PGS1: variants seen among roughly 807,000 people sequenced by gnomAD.
The protein encoded by PGS1 is phosphatidylglycerophosphate synthase 1.
In PGS1, 44 loss-of-function variants were observed where a neutral mutation model predicts 58.3. The ratio of observed to expected loss-of-function variants is 0.75; its 90% CI spans 0.59 to 0.97. The LOEUF is 0.97. Ranked by LOEUF, PGS1 falls within the 50% of genes least tolerant of loss-of-function variation. The pLI is 0.00. For missense variants in PGS1, 684 were observed against 731.1 expected (o/e 0.94, Z 0.74); for synonymous variants, 330 against 311.0 (o/e 1.06, Z -0.64).
At chr17:78,408,232 TC>T (rs2084324448) in intron 7 of PGS1, among the ~76,000 whole-genome samples, 1 of 152,242 alleles carries the variant, frequency 6.6e-6, no homozygotes, top group East Asian at 1.9e-4. Flanking sequence ...ATATGGTTTA[TC>T]TATTTCATTC....
At chr17:78,381,169 G>GGGGC (rs1469274748) in intron 1 of PGS1, among the ~76,000 whole-genome samples, 2 of 152,160 alleles carry the variant, frequency 1.3e-5, no homozygotes, top group African/African-American at 2.4e-5. Context: ...GGTGGTGGGA[G>GGGGC]GGGCAGTGTG....
chr17:78,393,427 G>A (rs767643078), intron 2 of PGS1, among the ~76,000 whole-genome samples: 1 of 152,182 alleles, frequency 6.6e-6, no homozygotes. Context: ...CCACGGGAAG[G>A]GAGGTTGGTG....
At chr17:78,403,289 C>T (rs1463574408) in intron 6 of PGS1, among the ~76,000 whole-genome samples, 1 of 151,566 alleles carries the variant, frequency 6.6e-6, no homozygotes, top group Non-Finnish European at 1.5e-5. Context: ...GTTTGTCTTG[C>T]CTGGTTTTGA....
chr17:78,390,901 G>A (rs2082776480), intron 1 of PGS1, among the ~76,000 whole-genome samples: 1 of 152,108 alleles, frequency 6.6e-6, no homozygotes, highest in Non-Finnish European at 1.5e-5. Flanking sequence ...CCACCAAACA[G>A]GATGTGTCTG....
chr17:78,406,314 T>C (rs538463568), intron 7 of PGS1, among the ~76,000 whole-genome samples: 1 of 151,724 alleles, frequency 6.6e-6, no homozygotes, highest in Non-Finnish European at 1.5e-5. Flanking sequence ...CGAGACTCTG[T>C]CTCAAAAAAA....
intron 1 of PGS1, among the ~76,000 whole-genome samples, chr17:78,380,692 C>T (rs956118919): frequency 6.6e-6 from 1 of 152,182 alleles, no homozygotes; most frequent in Non-Finnish European, 1.5e-5. Context: ...ATTTAGGTGA[C>T]TTTGTCATTT....
chr17:78,422,745 C>A (rs528422920), intron 9 of PGS1, among the ~76,000 whole-genome samples: 1 of 152,084 alleles, frequency 6.6e-6, no homozygotes, highest in East Asian at 1.9e-4. Context: ...AGTAAGATTG[C>A]CGTCCTGGGA....
intron 9 of PGS1, chr17:78,423,606 C>A: frequency 2.7e-6 from 1 of 367,384 alleles, no homozygotes; most frequent in Non-Finnish European, 5.1e-6. Flanking sequence ...TCCTGGAATG[C>A]TTGCCTCTGG....
Position 78,424,183 on chromosome 17 carries a change from TGTGCTGCCAGTAAGTGAGGGAG to T in PGS1, c.*135_*156del. 1 of 1,586,086 alleles carries T rather than the reference TGTGCTGCCAGTAAGTGAGGGAG, an allele frequency of 6.3e-7. No individual in the cohort carries two copies. Among genetic ancestry groups the T allele is most frequent in the Non-Finnish European group, 8.6e-7 (1 of 1,166,434 alleles). On this transcript the variant is annotated 3_prime_UTR_variant, in exon 10 of 10. Transcript: ENST00000262764. ...AGGGACAGTATGGCTGAGGGTCAGG[TGTGCTGCCAGTAAGTGAGGGAG>T]GGGCTGGCAGGAAGGGTGGGGTCCT...
Position 78,419,982 on chromosome 17 carries a change from C to T in PGS1, c.*10+307C>T, listed in dbSNP as rs1039980392. On this transcript the variant is annotated intron_variant, in intron 9 of 9. Transcript: ENST00000262764. ...CCTTCCCAGGGGGTCCTGAAGAAGC[C>T]CTGGGGCAAGGGCTCAGGGATGAGG... The T allele has an allele frequency of 5.1e-6, 6 of 1,173,084 alleles. No individual in the cohort carries two copies. The African/African-American group carries it at 8.0e-5, about 16-fold the overall frequency. 72.7% of individuals were successfully genotyped at this position (1,173,084 alleles called of 1,614,324 possible).
Position 78,392,431 on chromosome 17 carries a change from T to G in PGS1, c.144-45T>G, listed in dbSNP as rs750795078. ...CTGAGGGGGGCTTCTGCAGAAGTAT[T>G]TGAGGTATTTGAGGTGTGACCCAGT... On this transcript the variant is annotated intron_variant, in intron 1 of 9. Coordinates refer to ENST00000262764, the MANE Select transcript of PGS1 (RefSeq NM_024419.5). 2.1e-6 allele frequency: 3 copies of G among 1,416,632 alleles called. No homozygotes were observed. In the East Asian group the frequency reaches 7.1e-5, roughly 33 times the overall value. The allele number at this position is 1,416,632 out of a possible 1,614,324, so 87.8% of individuals were successfully genotyped here.
chr17:78,381,734 G>A lies in PGS1; in HGVS notation c.143+2926G>A, dbSNP rs570571114. On this transcript the variant is annotated intron_variant, in intron 1 of 9. Transcript: ENST00000262764. ...GGCCAGTGAACCCTCGTGAGGGGACGTTCCTTTTACTGCCGCGGTTTCCTT... is the reference window on the plus strand; with the variant it reads ...GGCCAGTGAACCCTCGTGAGGGGACATTCCTTTTACTGCCGCGGTTTCCTT... Among the ~76,000 whole-genome samples the A allele has an allele frequency of 2.6e-5, 4 of 152,264 alleles. No homozygotes were observed. The East Asian group carries it at 7.7e-4, about 29-fold the overall frequency.
At position 78,398,492 on chromosome 17, in the gene PGS1, G is replaced by A. The variant is rs907442066; in HGVS notation, c.511+141G>A. The A allele has an allele frequency of 2.3e-5, 15 of 652,414 alleles. No homozygotes were observed. In the African/African-American group the frequency reaches 2.5e-4, roughly 11 times the overall value. 40.4% of individuals were successfully genotyped at this position (652,414 alleles called of 1,614,324 possible). A position where few individuals can be genotyped will look rare whatever the true frequency, so the allele number is the denominator to read the frequency against. ...CAAGCTGGCCCAGGGCTGCCTGATT[G>A]TGTGAGTTAGGATTTTTTTCTTCAG... is the stretch of plus-strand genomic sequence containing the variant. On this transcript the variant is annotated intron_variant, in intron 4 of 9. Transcript: ENST00000262764.
rs1207139731 is a variant in PGS1, at chr17:78,403,652, A to G, written c.965A>G (p.His322Arg). 1 of 1,614,112 alleles carries G rather than the reference A, an allele frequency of 6.2e-7. No individual in the cohort carries two copies. Among genetic ancestry groups the G allele is most frequent in the Non-Finnish European group, 8.5e-7 (1 of 1,180,056 alleles). The change falls in exon 7 of 10, where the codon CAT becomes CGT. Residue 322 changes from histidine to arginine, a missense_variant. His to Arg is a conservative substitution (Grantham distance 29). Transcript: ENST00000262764. ...GCCAGGACCCGCCAGCAGATGCTGC[A>G]TGCCCAGACCTTCCACAGCAACTCT... ...NSARTRQQML[H>R]AQTFHSNSLL... is the part of the protein sequence containing the mutation.
intron 2 of PGS1, among the ~76,000 whole-genome samples, chr17:78,395,305 A>T (rs72911395): frequency 0.054 from 8,240 of 152,232 alleles, 302 homozygotes; most frequent in East Asian, 0.2. Context: ...CATCTGTTTT[A>T]ATTGGTAACA....
chr17:78,398,952 C>T (rs111246137), intron 4 of PGS1, among the ~76,000 whole-genome samples: 3 of 152,294 alleles, frequency 2.0e-5, no homozygotes, highest in African/African-American at 7.2e-5. Context: ...TGGAGTGTGC[C>T]GAGTAGCCCA....
rs935095387 is a variant in PGS1, at chr17:78,420,261, GC to G, written c.*10+589del. ...GAAGTTGAGTAACAGGACCTGCTCT[GC>G]CCACCCAGGAGGGGCCTGCCGCTTC... On this transcript the variant is annotated intron_variant, in intron 9 of 9. Transcript: ENST00000262764. The G allele has an allele frequency of 4.1e-6, 4 of 983,178 alleles. No individual in the cohort carries two copies. In the African/African-American group the frequency reaches 7.0e-5, roughly 17 times the overall value. The allele number at this position is 983,178 out of a possible 1,614,324, so 60.9% of individuals were successfully genotyped here.
At chr17:78,421,237 C>G (rs888145478) in intron 9 of PGS1, 1 of 152,124 alleles carries the variant, frequency 6.6e-6, no homozygotes, top group African/African-American at 2.4e-5. Flanking sequence ...ACTGCCTGAT[C>G]TCTTTATCAT....
intron 7 of PGS1, among the ~76,000 whole-genome samples, chr17:78,412,768 G>C (rs2084827404): frequency 6.6e-6 from 1 of 152,188 alleles, no homozygotes; most frequent in South Asian, 2.1e-4. Context: ...CCCTCAGTGG[G>C]CTCAGGAGAT....
Sources: allele counts gnomAD v4.1 joint callset (sites outside exome capture counted in the v4.1 genomes callset), GRCh38; gene constraint gnomAD v4.1.1; transcripts MANE v1.5; gene names NCBI Gene and HGNC (gene_info 2026-07-23, HGNC 2026-07-21).